Variants in SOS2 observed in about 807,000 individuals in gnomAD.
SOS2 encodes son of sevenless homolog 2.
Under a neutral mutation model 148.2 loss-of-function variants are expected in SOS2, and 65 were observed. The observed-to-expected ratio is 0.44, with a 90% CI of 0.36 to 0.54. SOS2 has a LOEUF of 0.54. SOS2 is among the 20% of genes least tolerant of loss of function. The pLI is 0.00. For synonymous variants in SOS2, 539 were observed against 537.1 expected (o/e 1.00, Z -0.05); for missense variants, 1,341 against 1,590.2 (o/e 0.84, Z 2.67).
At chr14:50,130,270 C>A (rs1244887272) in intron 20 of SOS2, among the ~76,000 whole-genome samples, 1 of 151,996 alleles carries the variant, frequency 6.6e-6, no homozygotes, top group Non-Finnish European at 1.5e-5. Flanking sequence ...TAGTGGGACC[C>A]AAAAGGTACT....
intron 1 of SOS2, among the ~76,000 whole-genome samples, chr14:50,216,542 T>C (rs1429094352): frequency 6.6e-6 from 1 of 152,030 alleles, no homozygotes; most frequent in Non-Finnish European, 1.5e-5. Flanking sequence ...GTAGATTACC[T>C]GAGGTCAGGA....
chr14:50,188,377 C>T, intron 5 of SOS2, 120 bp downstream of exon 5: 1 of 686,262 alleles, frequency 1.5e-6, no homozygotes, highest in Non-Finnish European at 2.5e-6. Flanking sequence ...CACTGCACTC[C>T]AGCCTGGGCA....
chr14:50,172,809 T>C (rs898534628), intron 8 of SOS2, among the ~76,000 whole-genome samples: 2 of 152,162 alleles, frequency 1.3e-5, no homozygotes, highest in African/African-American at 4.8e-5. Context: ...CCTTGATCTT[T>C]TAAAGGCAGG....
chr14:50,170,588 G>A (rs983949255), intron 8 of SOS2, among the ~76,000 whole-genome samples: 3 of 151,892 alleles, frequency 2.0e-5, no homozygotes, highest in Non-Finnish European at 2.9e-5. Context: ...TGGGAGGGTC[G>A]CCTGAGCCCA....
chr14:50,209,813 G>C (rs996918925), intron 1 of SOS2, among the ~76,000 whole-genome samples: 1 of 151,850 alleles, frequency 6.6e-6, no homozygotes, highest in Non-Finnish European at 1.5e-5. Context: ...TGTACCTTGA[G>C]TACCTGATAA....
intron 19 of SOS2, among the ~76,000 whole-genome samples, chr14:50,132,402 T>TTTAC (rs1226732615): frequency 1.4e-5 from 2 of 143,040 alleles, no homozygotes; most frequent in Non-Finnish European, 3.0e-5. Flanking sequence ...GGCTCACACC[T>TTTAC]GTAATCCCAT....
chr14:50,151,663 T>C (rs1884667738), intron 13 of SOS2, among the ~76,000 whole-genome samples: 1 of 152,218 alleles, frequency 6.6e-6, no homozygotes, highest in Non-Finnish European at 1.5e-5. Context: ...CTAATGTGTG[T>C]GTGTATTTTA....
At chr14:50,151,087 G>A (rs910365922) in intron 13 of SOS2, among the ~76,000 whole-genome samples, 10 of 151,976 alleles carry the variant, frequency 6.6e-5, no homozygotes, top group Admixed American at 1.3e-4. Flanking sequence ...TTGAACTCCT[G>A]GGCTCAAGTG....
intron 1 of SOS2, among the ~76,000 whole-genome samples, chr14:50,216,590 C>T (rs943501495): frequency 6.6e-6 from 1 of 151,864 alleles, no homozygotes; most frequent in Non-Finnish European, 1.5e-5. Flanking sequence ...GAAACCCCGT[C>T]TGTACTAAAA....
intron 8 of SOS2, among the ~76,000 whole-genome samples, chr14:50,168,465 T>C (rs1288302248): frequency 6.6e-6 from 1 of 152,118 alleles, no homozygotes; most frequent in African/African-American, 2.4e-5. Flanking sequence ...CACGCCATCC[T>C]TTCACCTCAG....
chr14:50,118,893 A>T, intron 22 of SOS2, 40 bp from the exon 23 acceptor site: 1 of 1,281,488 alleles, frequency 7.8e-7, no homozygotes, highest in South Asian at 2.3e-5. Context: ...TCTATTCTGA[A>T]AAATTAAAAA....
chr14:50,121,531 AGG>A (rs869254200), intron 21 of SOS2, among the ~76,000 whole-genome samples: 218 of 6,982 alleles, frequency 0.031, 8 homozygotes, highest in East Asian at 0.043. Flanking sequence ...TTCCTGGGGG[AGG>A]GGGGGGAGTC....
chr14:50,180,710 T>A, intron 6 of SOS2, 28 bp from the exon 7 acceptor site: 1 of 1,267,316 alleles, frequency 7.9e-7, no homozygotes, highest in Non-Finnish European at 1.1e-6. Flanking sequence ...GAAAAAGCAT[T>A]AGGTTTAAAA....
At chr14:50,199,626 A>G in intron 4 of SOS2, 65 bp downstream of exon 4, 1 of 967,964 alleles carries the variant, frequency 1.0e-6, no homozygotes, top group Non-Finnish European at 1.5e-6. Context: ...TGTACACAAA[A>G]AGATTGAGGC....
chr14:50,134,855 C>T (rs1884021462), intron 18 of SOS2, among the ~76,000 whole-genome samples: 1 of 151,884 alleles, frequency 6.6e-6, no homozygotes, highest in Admixed American at 6.6e-5. Context: ...GGGTGGATCA[C>T]CTGAGGTCGG....
chr14:50,134,983 G>A (rs1387113693), intron 18 of SOS2, among the ~76,000 whole-genome samples: 1 of 142,736 alleles, frequency 7.0e-6, no homozygotes, highest in Admixed American at 7.6e-5. Context: ...TGAGACAGGA[G>A]AATCAATTGA....
At chr14:50,160,956 A>G (rs1884987359) in intron 9 of SOS2, among the ~76,000 whole-genome samples, 1 of 152,074 alleles carries the variant, frequency 6.6e-6, no homozygotes, top group South Asian at 2.1e-4. Context: ...GGCTGCTGTG[A>G]GCTGAGATCA....
intron 1 of SOS2, among the ~76,000 whole-genome samples, chr14:50,224,937 A>G (rs1887323255): frequency 1.3e-5 from 2 of 151,628 alleles, no homozygotes; most frequent in South Asian, 4.2e-4. Flanking sequence ...TTACAAAATG[A>G]CCTAATGAGG....
chr14:50,231,159 A>G (rs1175247411), intron 1 of SOS2, 38 bp downstream of exon 1: 2 of 1,229,810 alleles, frequency 1.6e-6, no homozygotes, highest in African/African-American at 1.6e-5. Context: ...TCGGGGGGCC[A>G]CGGGCCACCC....
Sources: gnomAD v4.1 joint callset for allele counts (sites outside exome capture counted in the v4.1 genomes callset) on GRCh38, gnomAD v4.1.1 for gene constraint, MANE v1.5 for transcripts, NCBI Gene and HGNC (gene_info 2026-07-23, HGNC 2026-07-21) for gene names.